DIP2A: variants seen among roughly 807,000 people sequenced by gnomAD.
DIP2A encodes disco-interacting protein 2 homolog A.
A neutral mutation model predicts 177.4 loss-of-function variants in DIP2A; 85 were observed. That is an observed-to-expected ratio of 0.48 (90% confidence interval 0.40 to 0.57). DIP2A has a LOEUF of 0.57. DIP2A is among the 20% of genes least tolerant of loss of function. DIP2A has a pLI of 0.00. For synonymous variants in DIP2A, 886 were observed against 881.8 expected, an observed-to-expected ratio of 1.00 and a Z score of -0.08; for missense variants, 1,791 against 2,100.2, an observed-to-expected ratio of 0.85 and a Z score of 2.88.
rs76334060 is a variant in DIP2A at position 46,475,883 on chromosome 21, A to G, written c.92-8874A>G. Among the ~76,000 whole-genome samples the G allele has an allele frequency of 9.2e-5, 14 of 152,344 alleles. No homozygotes were observed. In the East Asian group the frequency reaches 1.9e-3, roughly 21 times the overall value. ...GTTTTTGCATATTTTAAAACTATGT[A>G]AATCATCTTTATAAATCCTTCTGAA... On this transcript the variant is annotated intron_variant, in intron 1 of 37. Transcript: ENST00000417564.
chr21:46,511,495 G>A lies in DIP2A; in HGVS notation c.983G>A (p.Gly328Asp). ...CTGAGAGGGGAGCCTCTCACTGCAG[G>A]TGTCCCCCGACCGCCGTCGCTGTTG... ...SVLRGEPLTAGVPRPPSLLAT... is the reference protein window; with the variant it reads ...SVLRGEPLTADVPRPPSLLAT... The change falls in exon 8 of 38, where the codon GGT becomes GAT. Residue 328 changes from glycine to aspartate, a missense_variant. Gly to Asp is a moderately conservative substitution (Grantham distance 94). Transcript: ENST00000417564. 1 of 1,613,236 alleles carries A rather than the reference G, an allele frequency of 6.2e-7. No individual in the cohort carries two copies. The highest frequency in any genetic ancestry group is 1.1e-5 in the South Asian group (1 of 90,904).
intron 20 of DIP2A, 72 bp downstream of exon 20, chr21:46,546,033 G>A (rs756269676): frequency 6.2e-7 from 1 of 1,608,110 alleles, no homozygotes; most frequent in Admixed American, 1.7e-5. Flanking sequence ...ACACCTCGTT[G>A]CAGCCCCACC....
rs770891539 is a variant in DIP2A at position 46,556,454 on chromosome 21, C to T, written c.3498+363C>T. ...ATCCCAGCACTTCGGGAGGCCGAGG[C>T]GGGTGGATCACAAGATCAAGAGATG... is the stretch of plus-strand genomic sequence containing the variant. On this transcript the variant is annotated intron_variant, in intron 29 of 37. Coordinates refer to ENST00000417564, the MANE Select transcript of DIP2A (RefSeq NM_015151.4). This position sits in a 1 kb window ranked among gnomAD's most constrained non-coding sequence, Gnocchi z 4.5. The T allele has an allele frequency of 4.9e-5, 56 of 1,150,020 alleles. No homozygotes were observed. The highest frequency in any genetic ancestry group is 7.7e-5 in the South Asian group (6 of 77,498). 71.2% of individuals were successfully genotyped at this position (1,150,020 alleles called of 1,614,324 possible). A position where few individuals can be genotyped will look rare whatever the true frequency, so the allele number is the denominator to read the frequency against.
chr21:46,504,225 A>C, intron 5 of DIP2A, 136 bp from the exon 6 acceptor site: 1 of 1,264,424 alleles, frequency 7.9e-7, no homozygotes, highest in Non-Finnish European at 1.1e-6. Flanking sequence ...CCAAGAAAAC[A>C]AATTAATGAA....
intron 3 of DIP2A, among the ~76,000 whole-genome samples, chr21:46,494,072 T>A (rs2057171019): frequency 6.6e-6 from 1 of 152,220 alleles, no homozygotes. Context: ...AAGATTGTAT[T>A]TCTAAAAGAT....
chr21:46,523,609 G>GCCAATATTTCTGACTTTGGAACTTTA (rs543978072), intron 8 of DIP2A, among the ~76,000 whole-genome samples: 24,163 of 151,830 alleles, frequency 0.16, 2,185 homozygotes, highest in African/African-American at 0.21. Context: ...AGGCCTTACG[G>GCCAATATTTCTGACTTTGGAACTTTA]CCAAAGGTAA....
intron 8 of DIP2A, among the ~76,000 whole-genome samples, chr21:46,527,599 T>G (rs2059155025): frequency 6.6e-6 from 1 of 152,120 alleles, no homozygotes; most frequent in Non-Finnish European, 1.5e-5. Context: ...GTGCTGGAAT[T>G]ACAGGCATGA....
chr21:46,517,977 C>T (rs935550805), intron 8 of DIP2A, among the ~76,000 whole-genome samples: 2 of 152,238 alleles, frequency 1.3e-5, no homozygotes, highest in African/African-American at 4.8e-5. Flanking sequence ...GCATTTTATT[C>T]AGTTTTTAAA....
Position 46,545,858 on chromosome 21 carries a change from G to T in DIP2A, c.2314-23G>T, listed in dbSNP as rs374505811. The T allele has an allele frequency of 1.9e-6, 3 of 1,611,000 alleles. No individual in the cohort carries two copies. The South Asian group carries it at 3.3e-5, about 18-fold the overall frequency. ...TTGGTTGGTTGTCCACAGCCTGATC[G>T]TGCCCCTCTCCACTTTGTGCAGGCA... On this transcript the variant is annotated intron_variant, in intron 19 of 37. Transcript: ENST00000417564.
Position 46,533,506 on chromosome 21 carries a change from T to A in DIP2A, c.1306-18T>A. 1 of 1,610,588 alleles carries A rather than the reference T, an allele frequency of 6.2e-7. No individual in the cohort carries two copies. The highest frequency in any genetic ancestry group is 1.3e-5 in the African/African-American group (1 of 74,994). On this transcript the variant is annotated intron_variant, in intron 10 of 37. Coordinates refer to ENST00000417564, the MANE Select transcript of DIP2A (RefSeq NM_015151.4). Reference sequence around the variant, plus strand: ...GCTGTGAGCACCCCACCCCACACGGTCACTCTGCTTTCTGCAGGATGCAGG... The same window carrying A: ...GCTGTGAGCACCCCACCCCACACGGACACTCTGCTTTCTGCAGGATGCAGG...
chr21:46,492,601 T>G (rs2057077378), intron 3 of DIP2A, among the ~76,000 whole-genome samples: 1 of 152,110 alleles, frequency 6.6e-6, no homozygotes, highest in South Asian at 2.1e-4. Flanking sequence ...TTTGGTCCTT[T>G]GGGAGGTAAT....
At chr21:46,467,575 C>A (rs920646370) in intron 1 of DIP2A, among the ~76,000 whole-genome samples, 1 of 152,030 alleles carries the variant, frequency 6.6e-6, no homozygotes, top group East Asian at 1.9e-4. Flanking sequence ...AAAGCTATTG[C>A]CTAGTTTAAT....
chr21:46,556,857 G>C lies in DIP2A; in HGVS notation c.3499-82G>C, dbSNP rs2148892838. On this transcript the variant is annotated intron_variant, in intron 29 of 37. Transcript: ENST00000417564. This position sits in a 1 kb window ranked among gnomAD's most constrained non-coding sequence, Gnocchi z 4.5. Reference sequence around the variant, plus strand: ...GTTCGGAGCTATGGTCTAGCCATGTGAACAGCGGACACTGCCATCCACCCT... The same window carrying C: ...GTTCGGAGCTATGGTCTAGCCATGTCAACAGCGGACACTGCCATCCACCCT... 1 of 1,285,510 alleles carries C rather than the reference G, an allele frequency of 7.8e-7. No homozygotes were observed. Among genetic ancestry groups the C allele is most frequent in the East Asian group, 2.6e-5 (1 of 39,166 alleles). 79.6% of individuals were successfully genotyped at this position (1,285,510 alleles called of 1,614,324 possible). A position where few individuals can be genotyped will look rare whatever the true frequency, so the allele number is the denominator to read the frequency against.
At chr21:46,580,048 G>T in the DIP2A span, among the ~76,000 whole-genome samples, 1 of 152,130 alleles carries the variant, frequency 6.6e-6, no homozygotes, top group Non-Finnish European at 1.5e-5. Flanking sequence ...TGACAGTGGG[G>T]TGTTAAAGTC....
At chr21:46,512,259 A>C (rs2058348212) in intron 8 of DIP2A, among the ~76,000 whole-genome samples, 2 of 152,188 alleles carry the variant, frequency 1.3e-5, no homozygotes, top group East Asian at 3.8e-4. Context: ...TATTGTGTAT[A>C]GTGCTGTTAG....
chr21:46,547,012 T>TG lies in DIP2A; in HGVS notation c.2494dup (p.Glu832GlyfsTer29), dbSNP rs1219387498. ...GACGTTGTGGCCACCGCACTGGCCGTGGAGCCCATGAAGTTTGTCTACAGA... is the reference window on the plus strand; with the variant it reads ...GACGTTGTGGCCACCGCACTGGCCGTGGGAGCCCATGAAGTTTGTCTACAGA... On this transcript the variant is annotated frameshift_variant, in exon 21 of 38. Transcript: ENST00000417564. LOFTEE classifies it high-confidence loss of function. 4.3e-6 allele frequency: 7 copies of TG among 1,614,004 alleles called. No homozygotes were observed.
chr21:46,475,231 C>A (rs910400109), intron 1 of DIP2A, among the ~76,000 whole-genome samples: 2 of 152,236 alleles, frequency 1.3e-5, no homozygotes, highest in African/African-American at 4.8e-5. Context: ...AGAATTATTT[C>A]ACCATGTGGC....
rs528339210 is a variant in DIP2A at position 46,493,390 on chromosome 21, G to A, written c.283+2671G>A. Among the ~76,000 whole-genome samples the A allele has an allele frequency of 3.9e-5, 6 of 152,224 alleles. No individual in the cohort carries two copies. The East Asian group carries it at 1.2e-3, about 29-fold the overall frequency. ...ACAGTAACTTCCAAATCCATCACAA[G>A]GGTCTCAGTTTGTTTCTTGCTCTCT... On this transcript the variant is annotated intron_variant, in intron 3 of 37. Transcript: ENST00000417564.
chr21:46,572,900 T>TG (rs1319121050), downstream of DIP2A, among the ~76,000 whole-genome samples: 2 of 152,196 alleles, frequency 1.3e-5, no homozygotes, highest in African/African-American at 4.8e-5. Flanking sequence ...GCATTACAAT[T>TG]GCCTACAGTA....
Sources: allele counts gnomAD v4.1 joint callset (sites outside exome capture counted in the v4.1 genomes callset), GRCh38; gene constraint gnomAD v4.1.1; non-coding constraint Gnocchi (gnomAD v3.1); transcripts MANE v1.5; gene names NCBI Gene and HGNC (gene_info 2026-07-23, HGNC 2026-07-21).